RABGEF1: variants seen among roughly 807,000 people sequenced by gnomAD.
RABGEF1 encodes the protein rab5 GDP/GTP exchange factor.
In RABGEF1, 26 loss-of-function variants were observed where a neutral mutation model predicts 57.3. The observed-to-expected ratio is 0.45, with a 90% confidence interval of 0.33 to 0.63. The LOEUF (loss-of-function observed/expected upper bound fraction) is 0.63. Ranked by LOEUF, RABGEF1 falls within the 20% of genes least tolerant of loss-of-function variation. RABGEF1 has a pLI of 0.02. For missense variants in RABGEF1, 464 were observed against 607.6 expected, an observed-to-expected ratio of 0.76 and a Z score of 2.48; for synonymous variants, 185 against 210.7, an observed-to-expected ratio of 0.88 and a Z score of 1.06.
At chr7:66,743,497 G>A (rs939082744) in intron 1 of RABGEF1, among the ~76,000 whole-genome samples, 1 of 151,266 alleles carries the variant, frequency 6.6e-6, no homozygotes, top group African/African-American at 2.4e-5. Flanking sequence ...AGCTTGCCTG[G>A]CTAAATTTTT....
chr7:66,738,142 T>G (rs982015517), upstream of RABGEF1, among the ~76,000 whole-genome samples: 2 of 151,108 alleles, frequency 1.3e-5, no homozygotes, highest in African/African-American at 4.9e-5. Flanking sequence ...CACCTCGGCC[T>G]CCAGAGTAGC....
chr7:66,749,654 A>G (rs1235557873), intron 1 of RABGEF1, among the ~76,000 whole-genome samples: 2 of 152,144 alleles, frequency 1.3e-5, no homozygotes, highest in Non-Finnish European at 2.9e-5. Context: ...AGCCTGGGCA[A>G]CAAAGCAAGA....
chr7:66,776,555 CA>C (rs1211888659), intron 3 of RABGEF1, among the ~76,000 whole-genome samples: 1 of 152,096 alleles, frequency 6.6e-6, no homozygotes, highest in Non-Finnish European at 1.5e-5. Flanking sequence ...CATCCAGGCA[CA>C]GTGGCATGTG....
rs779745577 is a variant in RABGEF1 at position 66,775,408 on chromosome 7, C to A, written c.346+15C>A. 2.5e-6 allele frequency: 4 copies of A among 1,611,402 alleles called. No homozygotes were observed. The highest frequency in any genetic ancestry group is 3.4e-6 in the Non-Finnish European group (4 of 1,178,198). On this transcript the variant is annotated intron_variant, in intron 3 of 8. Transcript: ENST00000284957. ...ATCAAAGAAGGGTAATGTTCTGATA[C>A]TCTTTTTTTTCTTCTCTGCCTGAGT...
the RABGEF1 span, among the ~76,000 whole-genome samples, chr7:66,666,925 G>A: frequency 6.6e-6 from 1 of 152,216 alleles, no homozygotes; most frequent in Admixed American, 6.5e-5. Context: ...CCACAGTAGG[G>A]AGCTGGCCTC....
At chr7:66,679,667 C>T (rs1455276191), upstream of RABGEF1, among the ~76,000 whole-genome samples, 1 of 152,148 alleles carries the variant, frequency 6.6e-6, no homozygotes, top group Non-Finnish European at 1.5e-5. Context: ...ATGATACCCA[C>T]TTTTTGTTAC....
intron 3 of RABGEF1, among the ~76,000 whole-genome samples, chr7:66,781,038 T>G (rs944949805): frequency 5.3e-5 from 8 of 152,208 alleles, no homozygotes; most frequent in Non-Finnish European, 8.8e-5. Flanking sequence ...ATATTTAATG[T>G]GATTTTTGAT....
chr7:66,766,996 G>GTTTC (rs1270916875), intron 1 of RABGEF1, among the ~76,000 whole-genome samples: 1 of 117,408 alleles, frequency 8.5e-6, no homozygotes, highest in Non-Finnish European at 1.7e-5. Context: ...TGCCTGTCAA[G>GTTTC]TTTCTTTTTT....
At chr7:66,795,419 C>T in intron 4 of RABGEF1, 92 bp from the exon 5 acceptor site, 1 of 1,066,464 alleles carries the variant, frequency 9.4e-7, no homozygotes, top group Non-Finnish European at 1.5e-6. Context: ...ACTACCAGTA[C>T]AAGGAATGGC....
intron 3 of RABGEF1, among the ~76,000 whole-genome samples, chr7:66,781,449 T>A (rs1809883437): frequency 6.6e-6 from 1 of 152,154 alleles, no homozygotes; most frequent in African/African-American, 2.4e-5. Context: ...GCCCTGGTGG[T>A]TTGCTGCACC....
At chr7:66,717,610 G>A (rs561122940) in intron 2 of RABGEF1, among the ~76,000 whole-genome samples, 2 of 152,148 alleles carry the variant, frequency 1.3e-5, no homozygotes, top group South Asian at 2.1e-4. Flanking sequence ...CCAGGCTGGA[G>A]TGCAGTAGTA....
intron 1 of RABGEF1, among the ~76,000 whole-genome samples, chr7:66,757,463 C>T (rs1443544541): frequency 1.3e-5 from 2 of 152,170 alleles, no homozygotes; most frequent in Non-Finnish European, 2.9e-5. Flanking sequence ...CTAAGCTCCG[C>T]AATGACTGAA....
At chr7:66,798,700 G>T (rs1388710971) in intron 6 of RABGEF1, among the ~76,000 whole-genome samples, 2 of 152,042 alleles carry the variant, frequency 1.3e-5, no homozygotes, top group Non-Finnish European at 2.9e-5. Flanking sequence ...GTGGTGGCTC[G>T]CACCTGTAAT....
chr7:66,706,319 C>T (rs973049896), intron 1 of RABGEF1, among the ~76,000 whole-genome samples: 61 of 152,098 alleles, frequency 4.0e-4, no homozygotes, highest in Non-Finnish European at 7.1e-4. Context: ...ACTTTCATTT[C>T]TCTTATGCGA....
rs770375845 is a variant in RABGEF1 at position 66,799,331 on chromosome 7, G to T, written c.737G>T (p.Arg246Leu). The T allele has an allele frequency of 1.2e-6, 2 of 1,605,252 alleles. No individual in the cohort carries two copies. The highest frequency in any genetic ancestry group is 1.7e-6 in the Non-Finnish European group (2 of 1,171,992). ...TGTCTCTCTCTCTTTAGAGCCCTGC[G>T]CTGGGTTACGCCTCAGATGCTGTGT... Reference protein sequence around the residue: ...LAIQKRIRALRWVTPQMLCVP... With the variant: ...LAIQKRIRALLWVTPQMLCVP... Residue 246 changes from arginine (R) to leucine (L), a missense_variant, in exon 7 of 9, where the codon CGC (arginine) becomes CTC (leucine). Physicochemically the swap from Arg to Leu is moderately radical, Grantham distance 102. Coordinates refer to ENST00000284957, the MANE Select transcript of RABGEF1 (RefSeq NM_014504.3).
chr7:66,753,474 G>A (rs554685238), intron 1 of RABGEF1, among the ~76,000 whole-genome samples: 2 of 152,200 alleles, frequency 1.3e-5, no homozygotes, highest in African/African-American at 2.4e-5. Context: ...GAGATATTAC[G>A]GGTTTGGTTC....
chr7:66,710,923 A>G (rs796299088), intron 1 of RABGEF1, among the ~76,000 whole-genome samples: 15 of 152,188 alleles, frequency 9.9e-5, no homozygotes, highest in African/African-American at 3.6e-4. Flanking sequence ...CAGGAGGATC[A>G]CTTGAGGCCA....
chr7:66,806,275 T>C (rs1584297962), intron 8 of RABGEF1, among the ~76,000 whole-genome samples: 3 of 152,268 alleles, frequency 2.0e-5, no homozygotes, highest in Admixed American at 2.0e-4. Context: ...TAAAAATATG[T>C]CATGATTTAT....
chr7:66,751,032 CT>C (rs765625657), intron 1 of RABGEF1, among the ~76,000 whole-genome samples: 140 of 142,804 alleles, frequency 9.8e-4, no homozygotes, highest in South Asian at 1.1e-3. Context: ...CTCTTTTTTT[CT>C]TTTTTTTTTT....
Sources: allele counts gnomAD v4.1 joint callset (sites outside exome capture counted in the v4.1 genomes callset), GRCh38; gene constraint gnomAD v4.1.1; transcripts MANE v1.5; gene names NCBI Gene and HGNC (gene_info 2026-07-23, HGNC 2026-07-21).